The following PTPRA variants were observed in gnomAD, a reference collection of about 807,000 sequenced individuals.
PTPRA encodes the protein protein tyrosine phosphatase receptor type A, also known as receptor-type tyrosine-protein phosphatase alpha.
PTPRA carries 25 observed loss-of-function variants against 104.8 expected under a neutral mutation model. That is an observed-to-expected ratio of 0.24 (90% CI 0.17 to 0.33). The LOEUF (loss-of-function observed/expected upper bound fraction) is 0.33. PTPRA is among the 10% of genes least tolerant of loss of function. The probability of loss-of-function intolerance (pLI) is 1.00; values close to 1 mark genes in which losing one functional copy is unlikely to be tolerated. For synonymous variants in PTPRA, 323 were observed against 368.9 expected (o/e 0.88, Z 1.43); for missense variants, 765 against 1,015.3 (o/e 0.75, Z 3.35).
At chr20:2,920,776 G>A (rs2060068576) in intron 1 of PTPRA, among the ~76,000 whole-genome samples, 1 of 151,802 alleles carries the variant, frequency 6.6e-6, no homozygotes, top group African/African-American at 2.4e-5. Flanking sequence ...TGACCGGGAG[G>A]AAAGGGGGGA....
At chr20:3,029,116 ATT>A (rs11475978) in intron 20 of PTPRA, among the ~76,000 whole-genome samples, 727 of 33,412 alleles carry the variant, frequency 0.022, 6 homozygotes, top group African/African-American at 0.13. Flanking sequence ...TTACATCAGG[ATT>A]TTTTTTTTTT....
At chr20:2,945,814 A>G (rs2061106618) in intron 2 of PTPRA, among the ~76,000 whole-genome samples, 2 of 151,788 alleles carry the variant, frequency 1.3e-5, no homozygotes, top group Non-Finnish European at 2.9e-5. Flanking sequence ...CTGTAATCCC[A>G]GCTACTCGAG....
chr20:3,000,261 C>T (rs1168522923), intron 9 of PTPRA, among the ~76,000 whole-genome samples: 1 of 152,116 alleles, frequency 6.6e-6, no homozygotes, highest in Admixed American at 6.5e-5. Context: ...GCACTCCAGT[C>T]TGGGTGACAG....
At chr20:3,001,765 A>T (rs2148265115) in intron 9 of PTPRA, among the ~76,000 whole-genome samples, 1 of 152,312 alleles carries the variant, frequency 6.6e-6, no homozygotes, top group South Asian at 2.1e-4. Context: ...GTAAAATAAC[A>T]TGCAGAACCT....
At chr20:2,917,327 G>T (rs1452193254) in intron 1 of PTPRA, among the ~76,000 whole-genome samples, 2 of 152,016 alleles carry the variant, frequency 1.3e-5, no homozygotes, top group African/African-American at 2.4e-5. Context: ...TGTTCTTGGA[G>T]GTAGATTTTC....
the PTPRA span, chr20:2,865,516 C>T: frequency 6.2e-7 from 1 of 1,607,124 alleles, no homozygotes; most frequent in Non-Finnish European, 8.5e-7. This position sits in a 1 kb window ranked among gnomAD's most constrained non-coding sequence, Gnocchi z 5.2. Flanking sequence ...GTCCTCCCTC[C>T]AGCCCACTTC....
chr20:2,895,869 T>G (rs1350553807), intron 1 of PTPRA, among the ~76,000 whole-genome samples: 1 of 152,200 alleles, frequency 6.6e-6, no homozygotes, highest in Non-Finnish European at 1.5e-5. Context: ...TTGATCATGA[T>G]GTACAATGTC....
chr20:2,907,441 A>C (rs753296254), intron 1 of PTPRA, among the ~76,000 whole-genome samples: 1 of 152,244 alleles, frequency 6.6e-6, no homozygotes, highest in Non-Finnish European at 1.5e-5. Flanking sequence ...GAAATTCACC[A>C]TTAACATGGT....
At chr20:3,005,312 G>T (rs1269130373) in intron 10 of PTPRA, among the ~76,000 whole-genome samples, 166 bp downstream of exon 10, 1 of 152,154 alleles carries the variant, frequency 6.6e-6, no homozygotes, top group Non-Finnish European at 1.5e-5. Flanking sequence ...ACTTTGGAAG[G>T]CCAAGGTGGG....
At chr20:3,038,009 C>G in intron 23 of PTPRA, 50 bp from the exon 24 acceptor site, 6 of 1,442,686 alleles carry the variant, frequency 4.2e-6, no homozygotes, top group Non-Finnish European at 5.8e-6. Flanking sequence ...ATTACAGGTA[C>G]TGTGTGTTCT....
At chr20:2,975,377 A>G in intron 6 of PTPRA, 136 bp downstream of exon 6, 1 of 676,764 alleles carries the variant, frequency 1.5e-6, no homozygotes, top group Non-Finnish European at 2.2e-6. Flanking sequence ...AGTTATTTCC[A>G]TGTTAATCTC....
intron 9 of PTPRA, among the ~76,000 whole-genome samples, chr20:2,989,768 A>T (rs1302101936): frequency 6.6e-6 from 1 of 152,214 alleles, no homozygotes. Context: ...CTGTAATCCC[A>T]GCACTTTGGG....
At chr20:2,891,968 A>G (rs998009377) in intron 1 of PTPRA, among the ~76,000 whole-genome samples, 5 of 151,838 alleles carry the variant, frequency 3.3e-5, no homozygotes, top group African/African-American at 1.2e-4. Context: ...TATTTTTTTG[A>G]TCTGTGGATG....
intron 17 of PTPRA, among the ~76,000 whole-genome samples, chr20:3,024,855 C>T (rs569637577): frequency 2.9e-4 from 44 of 151,670 alleles, no homozygotes; most frequent in African/African-American, 8.0e-4. Context: ...AGGCCCCTAG[C>T]CCTCCGAGGT....
chr20:2,965,923 C>T (rs1014903778), intron 5 of PTPRA, among the ~76,000 whole-genome samples: 2 of 152,168 alleles, frequency 1.3e-5, no homozygotes, highest in South Asian at 2.1e-4. Context: ...TAGAGATACC[C>T]TCAAAGGGCT....
chr20:2,871,909 GAGAGAGAGTCA>G (rs1280873553), upstream of PTPRA, among the ~76,000 whole-genome samples: 3 of 152,200 alleles, frequency 2.0e-5, no homozygotes, highest in African/African-American at 7.2e-5. Context: ...TGCTGAGAGG[GAGAGAGAGTCA>G]CAACTCCCAC....
At chr20:2,998,854 C>A (rs1344572468) in intron 9 of PTPRA, among the ~76,000 whole-genome samples, 1 of 151,636 alleles carries the variant, frequency 6.6e-6, no homozygotes, top group Non-Finnish European at 1.5e-5. Flanking sequence ...GAAAAACCCA[C>A]AGATTCATCA....
intron 11 of PTPRA, among the ~76,000 whole-genome samples, chr20:3,009,043 TAAAGG>T (rs2064024011): frequency 6.6e-6 from 1 of 152,014 alleles, no homozygotes; most frequent in Non-Finnish European, 1.5e-5. Context: ...AGAGTGAAGA[TAAAGG>T]AGAGGACAGA....
chr20:2,946,721 G>T (rs1185411935), intron 2 of PTPRA, among the ~76,000 whole-genome samples: 1 of 151,826 alleles, frequency 6.6e-6, no homozygotes, highest in African/African-American at 2.4e-5. Context: ...GGTGGCGCAT[G>T]CCTGTAATCC....
Sources: gnomAD v4.1 joint callset for allele counts (sites outside exome capture counted in the v4.1 genomes callset) on GRCh38, gnomAD v4.1.1 for gene constraint, Gnocchi (gnomAD v3.1) non-coding constraint, MANE v1.5 for transcripts, NCBI Gene and HGNC (gene_info 2026-07-23, HGNC 2026-07-21) for gene names.